The following PDE6D variants were observed in gnomAD, a reference collection of about 807,000 sequenced individuals.
The protein encoded by PDE6D is phosphodiesterase 6D.
Under a neutral mutation model 21.9 loss-of-function variants are expected in PDE6D, and 10 were observed. The observed-to-expected ratio is 0.46, with a 90% CI of 0.28 to 0.78. The LOEUF is 0.78. Ranked by LOEUF, PDE6D falls within the 30% of genes least tolerant of loss-of-function variation. PDE6D has a pLI of 0.12. For missense variants in PDE6D, 139 were observed against 184.8 expected (o/e 0.75, Z 1.44); for synonymous variants, 59 against 63.5 (o/e 0.93, Z 0.34).
At chr2:231,774,092 CCTGA>C (rs1272677938) in intron 1 of PDE6D, among the ~76,000 whole-genome samples, 2 of 152,008 alleles carry the variant, frequency 1.3e-5, no homozygotes, top group African/African-American at 2.4e-5. Context: ...CACCACTACG[CCTGA>C]CTAATTTTGT....
intron 1 of PDE6D, among the ~76,000 whole-genome samples, chr2:231,741,033 G>A (rs2048744660): frequency 6.7e-6 from 1 of 148,836 alleles, no homozygotes; most frequent in Non-Finnish European, 1.5e-5. Context: ...AGCTACTCAG[G>A]AGGCTGAGGC....
At chr2:231,752,831 GTT>G (rs778027978) in intron 1 of PDE6D, among the ~76,000 whole-genome samples, 3 of 119,300 alleles carry the variant, frequency 2.5e-5, no homozygotes, top group Non-Finnish European at 3.4e-5. Flanking sequence ...AGAGATTTGA[GTT>G]TTTTTTTTTT....
At chr2:231,771,425 G>A (rs978668910) in intron 1 of PDE6D, among the ~76,000 whole-genome samples, 3 of 152,166 alleles carry the variant, frequency 2.0e-5, no homozygotes, top group Admixed American at 6.5e-5. Context: ...TGACTGCCTC[G>A]TCGATCCTCA....
At chr2:231,771,495 T>A (rs992700022) in intron 1 of PDE6D, among the ~76,000 whole-genome samples, 4 of 152,220 alleles carry the variant, frequency 2.6e-5, no homozygotes, top group African/African-American at 9.6e-5. Flanking sequence ...AATGCAGTAA[T>A]ATATCAAAGT....
chr2:231,739,326 C>A lies in PDE6D; in HGVS notation c.51-138G>T. On this transcript the variant is annotated intron_variant, in intron 1 of 4. Coordinates refer to ENST00000287600, the MANE Select transcript of PDE6D (RefSeq NM_002601.4). The surrounding 1 kb of genome is among the most constrained non-coding windows in gnomAD (Gnocchi z 4.2). ...CAAACTGCTCATTGCCATGGAAGCA[C>A]ATAAGAATGTGAGGAGAGTCAAAAA... 1 of 752,530 alleles carries A rather than the reference C, an allele frequency of 1.3e-6. No individual in the cohort carries two copies. The highest frequency in any genetic ancestry group is 2.4e-6 in the Non-Finnish European group (1 of 409,072). 46.6% of individuals were successfully genotyped at this position (752,530 alleles called of 1,614,324 possible). A position where few individuals can be genotyped will look rare whatever the true frequency, so the allele number is the denominator to read the frequency against.
intron 1 of PDE6D, among the ~76,000 whole-genome samples, chr2:231,740,327 A>C (rs2048736841): frequency 6.6e-6 from 1 of 152,222 alleles, no homozygotes; most frequent in Non-Finnish European, 1.5e-5. Flanking sequence ...AGCAGAACCA[A>C]ACAACTCAAC....
At chr2:231,753,413 T>G (rs1319931225) in intron 1 of PDE6D, among the ~76,000 whole-genome samples, 2 of 151,438 alleles carry the variant, frequency 1.3e-5, no homozygotes, top group Non-Finnish European at 2.9e-5. Context: ...TAGCTGGGCG[T>G]GGCGGCACGC....
At chr2:231,755,097 C>G (rs1025147678) in intron 1 of PDE6D, among the ~76,000 whole-genome samples, 2 of 152,034 alleles carry the variant, frequency 1.3e-5, no homozygotes, top group African/African-American at 4.8e-5. Context: ...CATAAGGATA[C>G]GAGAAAACAG....
intron 1 of PDE6D, among the ~76,000 whole-genome samples, chr2:231,769,869 A>G (rs1252390509): frequency 2.6e-5 from 4 of 152,240 alleles, no homozygotes; most frequent in African/African-American, 4.8e-5. Flanking sequence ...AATGCATAAT[A>G]ACACTCTGTA....
At chr2:231,750,472 T>G (rs1173728612) in intron 1 of PDE6D, among the ~76,000 whole-genome samples, 1 of 149,810 alleles carries the variant, frequency 6.7e-6, no homozygotes, top group African/African-American at 2.4e-5. Context: ...GTCTATTTCA[T>G]CCATATCACT....
chr2:231,742,383 A>G (rs2048756986), intron 1 of PDE6D, among the ~76,000 whole-genome samples: 1 of 152,192 alleles, frequency 6.6e-6, no homozygotes, highest in Non-Finnish European at 1.5e-5. Flanking sequence ...TTGGCCTCCC[A>G]AAGTGCTGCG....
intron 1 of PDE6D, among the ~76,000 whole-genome samples, chr2:231,760,823 G>C (rs972904191): frequency 6.6e-6 from 1 of 152,134 alleles, no homozygotes; most frequent in Admixed American, 6.5e-5. Context: ...AACCTTAATG[G>C]GTAAAAGGCA....
At chr2:231,780,959 T>C in intron 1 of PDE6D, 106 bp downstream of exon 1, 1 of 1,043,504 alleles carries the variant, frequency 9.6e-7, no homozygotes, top group Non-Finnish European at 1.5e-6. Context: ...CCCGCGGCCC[T>C]TCTTCTGTGG....
At chr2:231,777,872 A>C (rs919913947) in intron 1 of PDE6D, among the ~76,000 whole-genome samples, 1 of 152,266 alleles carries the variant, frequency 6.6e-6, no homozygotes, top group African/African-American at 2.4e-5. Flanking sequence ...TTAAAGAGCT[A>C]AACATTGAAA....
chr2:231,746,665 G>A (rs903641954), intron 1 of PDE6D, among the ~76,000 whole-genome samples: 6 of 152,092 alleles, frequency 3.9e-5, no homozygotes, highest in East Asian at 3.9e-4. Context: ...GTACCTCACC[G>A]GCCAGTTGAA....
chr2:231,748,836 C>A (rs2048814174), intron 1 of PDE6D, among the ~76,000 whole-genome samples: 1 of 152,188 alleles, frequency 6.6e-6, no homozygotes, highest in African/African-American at 2.4e-5. Flanking sequence ...AGGACCCAAG[C>A]CTTAGCAGCT....
At chr2:231,750,481 C>A (rs1433864613) in intron 1 of PDE6D, among the ~76,000 whole-genome samples, 1 of 133,562 alleles carries the variant, frequency 7.5e-6, no homozygotes. Flanking sequence ...ATCCATATCA[C>A]TTTTTTTTTT....
At chr2:231,780,208 C>G (rs140411249) in intron 1 of PDE6D, among the ~76,000 whole-genome samples, 2 of 152,292 alleles carry the variant, frequency 1.3e-5, no homozygotes, top group Non-Finnish European at 2.9e-5. Flanking sequence ...TTCTCTACCC[C>G]ACTCTATCCT....
intron 3 of PDE6D, 27 bp from the exon 4 acceptor site, chr2:231,737,319 G>A (rs1427431305): frequency 3.2e-6 from 4 of 1,261,054 alleles, no homozygotes; most frequent in East Asian, 2.3e-5. Flanking sequence ...AAGCCGGGGT[G>A]AGCAGGTGCC....
Sources: allele counts gnomAD v4.1 joint callset (sites outside exome capture counted in the v4.1 genomes callset), GRCh38; gene constraint gnomAD v4.1.1; non-coding constraint Gnocchi (gnomAD v3.1); transcripts MANE v1.5; gene names NCBI Gene and HGNC (gene_info 2026-07-23, HGNC 2026-07-21).